MAD1L1: variants seen among roughly 807,000 people sequenced by gnomAD.
MAD1L1 encodes mitotic spindle assembly checkpoint protein MAD1.
A neutral mutation model predicts 96.9 loss-of-function variants in MAD1L1; 95 were observed. That is an observed-to-expected ratio of 0.98 (90% CI 0.83 to 1.16). The LOEUF (loss-of-function observed/expected upper bound fraction) is 1.16. Ranked by LOEUF, MAD1L1 falls within the 50% of genes most tolerant of loss-of-function variation. The pLI, the probability that MAD1L1 is intolerant of heterozygous loss-of-function variation, is 0.00. For synonymous variants in MAD1L1, 473 were observed against 396.6 expected (o/e 1.19, Z -2.29); for missense variants, 1,007 against 954.4 (o/e 1.06, Z -0.73).
At chr7:2,029,678 C>T (rs1282159276) in intron 12 of MAD1L1, among the ~76,000 whole-genome samples, 1 of 152,128 alleles carries the variant, frequency 6.6e-6, no homozygotes, top group Non-Finnish European at 1.5e-5. Flanking sequence ...GAACCGTGAG[C>T]CCAACTCGGA....
At chr7:1,839,368 GC>G (rs947070560) in intron 18 of MAD1L1, among the ~76,000 whole-genome samples, 1 of 151,562 alleles carries the variant, frequency 6.6e-6, no homozygotes, top group Non-Finnish European at 1.5e-5. Flanking sequence ...AAAGCGTCCT[GC>G]CCCCTGCCTG....
intron 18 of MAD1L1, among the ~76,000 whole-genome samples, chr7:1,839,443 G>A (rs1783121347): frequency 6.6e-6 from 1 of 152,032 alleles, no homozygotes; most frequent in Admixed American, 6.5e-5. Context: ...CAGGCCAGCT[G>A]CCCGCAGGAC....
In MAD1L1 at chr7:2,103,267, A is replaced by G. The variant is rs1786910059; in HGVS notation, c.1074-33929T>C. Reference sequence around the variant, plus strand: ...CCGGCCACGCTGAGGGCCGGGTCGCAGCCCAAGCCATGGCTGCCCCGACGG... The same window carrying G: ...CCGGCCACGCTGAGGGCCGGGTCGCGGCCCAAGCCATGGCTGCCCCGACGG... On this transcript the variant is annotated intron_variant, in intron 11 of 18. Coordinates refer to ENST00000265854, the MANE Select transcript of MAD1L1 (RefSeq NM_001013836.2). This position sits in a 1 kb window ranked among gnomAD's most constrained non-coding sequence, Gnocchi z 4.3. Among the ~76,000 whole-genome samples, 1 of 152,134 alleles carries G rather than the reference A, an allele frequency of 6.6e-6. No homozygotes were observed. Among genetic ancestry groups the G allele is most frequent in the Non-Finnish European group, 1.5e-5 (1 of 68,012 alleles).
chr7:1,832,359 C>A (rs1266616621), intron 18 of MAD1L1, among the ~76,000 whole-genome samples: 5 of 152,062 alleles, frequency 3.3e-5, no homozygotes, highest in Admixed American at 2.6e-4. Context: ...GGATGAGGAG[C>A]TGCTGCTTAT....
chr7:2,003,447 C>T (rs1781894500), intron 13 of MAD1L1, among the ~76,000 whole-genome samples: 1 of 152,090 alleles, frequency 6.6e-6, no homozygotes, highest in Admixed American at 6.5e-5. Flanking sequence ...CTCTGCAGAC[C>T]ATGGGCCCCC....
At chr7:1,899,410 G>A (rs1787102671) in intron 17 of MAD1L1, among the ~76,000 whole-genome samples, 1 of 152,130 alleles carries the variant, frequency 6.6e-6, no homozygotes, top group South Asian at 2.1e-4. Flanking sequence ...GAGCCTGCTG[G>A]ACCCTATCCT....
chr7:2,187,244 G>T (rs936700786), intron 10 of MAD1L1, among the ~76,000 whole-genome samples: 1 of 152,062 alleles, frequency 6.6e-6, no homozygotes, highest in Admixed American at 6.5e-5. Flanking sequence ...AGCTACTGGG[G>T]AGGCTGAGGT....
chr7:1,976,816 G>C (rs539857751), intron 15 of MAD1L1, among the ~76,000 whole-genome samples: 1 of 152,168 alleles, frequency 6.6e-6, no homozygotes, highest in East Asian at 1.9e-4. Context: ...GTGCTGACTG[G>C]TGAATTTACG....
At chr7:2,085,084 T>G (rs574893283) in intron 11 of MAD1L1, among the ~76,000 whole-genome samples, 17 of 152,130 alleles carry the variant, frequency 1.1e-4, no homozygotes, top group Admixed American at 9.2e-4. Context: ...TGAGCAAGAA[T>G]TCAACGCCGG....
intron 13 of MAD1L1, among the ~76,000 whole-genome samples, chr7:2,010,869 G>A (rs1374617116): frequency 6.6e-6 from 1 of 152,176 alleles, no homozygotes; most frequent in Non-Finnish European, 1.5e-5. Context: ...AGGCTTGCGA[G>A]GCCCGAGGTC....
intron 18 of MAD1L1, among the ~76,000 whole-genome samples, chr7:1,869,834 A>C (rs2128654544): frequency 6.6e-6 from 1 of 152,264 alleles, no homozygotes; most frequent in East Asian, 1.9e-4. Context: ...GGCTCCCGCA[A>C]GTGCCTCCAT....
intron 18 of MAD1L1, among the ~76,000 whole-genome samples, chr7:1,826,912 C>T (rs529205886): frequency 7.4e-4 from 113 of 152,262 alleles, no homozygotes; most frequent in African/African-American, 2.5e-3. Flanking sequence ...ACTGGCGGGG[C>T]GGGCAAGGCC....
intron 4 of MAD1L1, among the ~76,000 whole-genome samples, chr7:2,224,038 T>A (rs541961368): frequency 6.6e-6 from 1 of 152,012 alleles, no homozygotes; most frequent in Non-Finnish European, 1.5e-5. Flanking sequence ...CAAGACAGGG[T>A]TCCCGGAGAC....
At chr7:1,942,806 A>G (rs904431073) in intron 16 of MAD1L1, among the ~76,000 whole-genome samples, 1 of 152,186 alleles carries the variant, frequency 6.6e-6, no homozygotes, top group African/African-American at 2.4e-5. Context: ...ACGGAACTGC[A>G]GGGGCTCAGA....
At chr7:2,092,382 C>T (rs1584300170) in intron 11 of MAD1L1, among the ~76,000 whole-genome samples, 1 of 152,280 alleles carries the variant, frequency 6.6e-6, no homozygotes, top group Middle Eastern at 3.4e-3. Flanking sequence ...CCTCAGCCTC[C>T]TAAAATGCTA....
At chr7:1,987,123 G>A (rs1781187188) in intron 14 of MAD1L1, among the ~76,000 whole-genome samples, 1 of 152,112 alleles carries the variant, frequency 6.6e-6, no homozygotes, top group Non-Finnish European at 1.5e-5. Flanking sequence ...CCCACAATCT[G>A]TCCTGGCAGC....
chr7:2,116,568 G>GC (rs369258436), intron 11 of MAD1L1, among the ~76,000 whole-genome samples: 2 of 65,752 alleles, frequency 3.0e-5, no homozygotes, highest in Non-Finnish European at 2.9e-5. Context: ...CCAGAGGGTT[G>GC]GGGGGGGGGG....
At chr7:2,216,606 G>A (rs546458717) in intron 7 of MAD1L1, among the ~76,000 whole-genome samples, 5 of 152,228 alleles carry the variant, frequency 3.3e-5, no homozygotes, top group Admixed American at 6.5e-5. Flanking sequence ...CGCATGACCC[G>A]TGGACTCTGC....
chr7:2,219,197 G>T, intron 6 of MAD1L1, 135 bp downstream of exon 6: 1 of 840,894 alleles, frequency 1.2e-6, no homozygotes, highest in Non-Finnish European at 1.8e-6. Context: ...CTCAGCATCT[G>T]CCCCTCTTGA....
Sources: allele counts gnomAD v4.1 joint callset (sites outside exome capture counted in the v4.1 genomes callset), GRCh38; gene constraint gnomAD v4.1.1; non-coding constraint Gnocchi (gnomAD v3.1); transcripts MANE v1.5; gene names NCBI Gene and HGNC (gene_info 2026-07-23, HGNC 2026-07-21).